Variants in PRICKLE2 observed in about 807,000 individuals in gnomAD.
PRICKLE2 encodes prickle-like protein 2.
PRICKLE2 carries 21 observed loss-of-function variants against 81.4 expected under a neutral mutation model. The ratio of observed to expected loss-of-function variants is 0.26; its 90% CI spans 0.18 to 0.37. The LOEUF is 0.37. Among genes scored for constraint, PRICKLE2 ranks in the 10% least tolerant of loss-of-function variants. The pLI, the probability that PRICKLE2 is intolerant of heterozygous loss-of-function variation, is 1.00. For synonymous variants in PRICKLE2, 456 were observed against 421.5 expected, an observed-to-expected ratio of 1.08 and a Z score of -1.00; for missense variants, 940 against 1,109.0, an observed-to-expected ratio of 0.85 and a Z score of 2.16.
At position 64,142,317 on chromosome 3, in the gene PRICKLE2, T is replaced by C. The variant is rs181752764; in HGVS notation, c.1660+4513A>G. ...GAGTATTTTCTTTCTTTCTTTCTTT[T>C]TTTTTTTTTTTTTAGACAGAGTTTT... is the stretch of plus-strand genomic sequence containing the variant. On this transcript the variant is annotated intron_variant, in intron 7 of 7. Coordinates refer to ENST00000638394, the MANE Select transcript of PRICKLE2 (RefSeq NM_198859.4). Among the ~76,000 whole-genome samples the C allele has an allele frequency of 8.0e-3, 1,205 of 149,886 alleles. 31 individuals carry two copies. The highest frequency in any genetic ancestry group is 0.056 in the East Asian group (285 of 5,086).
In PRICKLE2 at chr3:64,159,132, G is replaced by A. The variant is rs1025107318; in HGVS notation, c.396+808C>T. Among the ~76,000 whole-genome samples, 4 of 152,268 alleles carry A rather than the reference G, an allele frequency of 2.6e-5. No homozygotes were observed. In the East Asian group the frequency reaches 7.8e-4, roughly 30 times the overall value. On this transcript the variant is annotated intron_variant, in intron 4 of 7. Transcript: ENST00000638394. ...CTGAGCACTCAACAGGAGCAGAGGAGACAGGAAATCCAGAATCTTGAACGC... is the reference window on the plus strand; with the variant it reads ...CTGAGCACTCAACAGGAGCAGAGGAAACAGGAAATCCAGAATCTTGAACGC...
intron 5 of PRICKLE2, 164 bp from the exon 6 acceptor site, chr3:64,153,532 C>T (rs2077579060): frequency 4.6e-6 from 3 of 646,192 alleles, no homozygotes; most frequent in African/African-American, 1.8e-5. Context: ...GTATGTATAT[C>T]AGTTCCTATA....
At chr3:64,160,463 A>G (rs1026010730) in intron 3 of PRICKLE2, among the ~76,000 whole-genome samples, 1 of 152,198 alleles carries the variant, frequency 6.6e-6, no homozygotes, top group Admixed American at 6.5e-5. Context: ...TGATACTTTC[A>G]TCTCCATGTG....
chr3:64,128,658 A>C (rs1157370052), intron 7 of PRICKLE2, among the ~76,000 whole-genome samples: 1 of 151,368 alleles, frequency 6.6e-6, no homozygotes, highest in African/African-American at 2.4e-5. Flanking sequence ...AGGCAGGAGA[A>C]TAATGTGAAC....
rs201590577 is a variant in PRICKLE2 at position 64,099,403 on chromosome 3, C to G, written c.2183G>C (p.Arg728Pro). The G allele has an allele frequency of 1.3e-6, 2 of 1,599,718 alleles. No individual in the cohort carries two copies. The highest frequency in any genetic ancestry group is 1.3e-5 in the African/African-American group (1 of 74,494). ...RAREDYDQFM[R>P]QRSFQESMGH... Reference sequence around the variant, plus strand: ...CATGCTCTCCTGGAAGCTCCGCTGGCGCATAAATTGGTCATAGTCCTCCCT... The same window carrying G: ...CATGCTCTCCTGGAAGCTCCGCTGGGGCATAAATTGGTCATAGTCCTCCCT... Residue 728 changes from arginine (R) to proline (P), a missense_variant, in exon 8 of 8, where the codon CGC (arginine) becomes CCC (proline). Arg to Pro is a moderately radical substitution (Grantham distance 103). Coordinates refer to ENST00000638394, the MANE Select transcript of PRICKLE2 (RefSeq NM_198859.4). The surrounding 1 kb of genome is among the most constrained non-coding windows in gnomAD (Gnocchi z 4.3).
At chr3:64,133,671 A>C (rs77394356) in intron 7 of PRICKLE2, among the ~76,000 whole-genome samples, 1 of 152,122 alleles carries the variant, frequency 6.6e-6, no homozygotes, top group East Asian at 1.9e-4. Context: ...GCTGGGCTCT[A>C]TTAGCATTAA....
Position 64,129,434 on chromosome 3 carries a change from T to C in PRICKLE2, c.1660+17396A>G, listed in dbSNP as rs150762643. ...TTAGCTCTATGTATGACAGCAGATC[T>C]TTGTCACCTTGGGGATGAAAAGAGG... On this transcript the variant is annotated intron_variant, in intron 7 of 7. Coordinates refer to ENST00000638394, the MANE Select transcript of PRICKLE2 (RefSeq NM_198859.4). 1.5e-3 allele frequency among the ~76,000 whole-genome samples: 225 copies of C among 152,296 alleles called. 1 individual carries two copies. The highest frequency in any genetic ancestry group is 5.0e-3 in the African/African-American group (208 of 41,568).
intron 2 of PRICKLE2, among the ~76,000 whole-genome samples, chr3:64,168,219 T>C (rs1559553251): frequency 6.6e-6 from 1 of 152,146 alleles, no homozygotes; most frequent in African/African-American, 2.4e-5. Context: ...AAGGAGAAGT[T>C]AGACTTTCTT....
chr3:64,125,111 C>T (rs1480948548), intron 7 of PRICKLE2, among the ~76,000 whole-genome samples: 2 of 151,988 alleles, frequency 1.3e-5, no homozygotes, highest in Non-Finnish European at 2.9e-5. Context: ...TCATGGATAA[C>T]TTTGAGGGGT....
At position 64,098,582 on chromosome 3, in the gene PRICKLE2, C is replaced by A. The variant is rs148724634; in HGVS notation, c.*469G>T. 1.7e-4 allele frequency: 30 copies of A among 174,992 alleles called. No individual in the cohort carries two copies. The East Asian group carries it at 4.3e-3, about 25-fold the overall frequency. The allele number at this position is 174,992 out of a possible 1,614,324, so 10.8% of individuals were successfully genotyped here. A position where few individuals can be genotyped will look rare whatever the true frequency, so the allele number is the denominator to read the frequency against. ...ACTGAGTCCTACGATATAGAAATTC[C>A]TTTGATATTACAAAATACAAAAATA... On this transcript the variant is annotated 3_prime_UTR_variant, in exon 8 of 8. Transcript: ENST00000638394.
At chr3:64,113,892 G>GA (rs767609144) in intron 7 of PRICKLE2, among the ~76,000 whole-genome samples, 84 of 152,218 alleles carry the variant, frequency 5.5e-4, no homozygotes, top group Non-Finnish European at 9.9e-4. Context: ...CTCCAGCAGG[G>GA]GCCCCCCACT....
intron 7 of PRICKLE2, among the ~76,000 whole-genome samples, chr3:64,127,193 C>T (rs987673030): frequency 1.3e-5 from 2 of 152,136 alleles, no homozygotes; most frequent in African/African-American, 4.8e-5. Context: ...AAGAGCAGTT[C>T]ATGGAGGACA....
Position 64,146,862 on chromosome 3 carries a change from G to C in PRICKLE2, c.1628C>G (p.Ser543Cys). The C allele has an allele frequency of 6.2e-7, 1 of 1,614,162 alleles. No homozygotes were observed. ...ATTAGACAGGGCCAGGGATTCCATGGAGCCCCGAGGGGTCTGCTCTGTGGG... is the reference window on the plus strand; with the variant it reads ...ATTAGACAGGGCCAGGGATTCCATGCAGCCCCGAGGGGTCTGCTCTGTGGG... ...MTPTEQTPRGSMESLALSNAT... is the reference protein window; with the variant it reads ...MTPTEQTPRGCMESLALSNAT... Residue 543 changes from serine (S) to cysteine (C), a missense_variant, in exon 7 of 8, where the codon TCC becomes TGC. Physicochemically the swap from Ser to Cys is moderately radical, Grantham distance 112. This residue lies in a region of PRICKLE2 where 670 missense variants were observed against 717.2 expected (regional missense o/e 0.93). Coordinates refer to ENST00000638394, the MANE Select transcript of PRICKLE2 (RefSeq NM_198859.4).
At chr3:64,168,554 C>G (rs574666533) in intron 2 of PRICKLE2, among the ~76,000 whole-genome samples, 1 of 152,150 alleles carries the variant, frequency 6.6e-6, no homozygotes, top group African/African-American at 2.4e-5. Context: ...TACGGCTTGA[C>G]GCGTTTTTAT....
chr3:64,158,741 G>A (rs533335577), intron 4 of PRICKLE2, among the ~76,000 whole-genome samples: 9 of 152,068 alleles, frequency 5.9e-5, no homozygotes, highest in African/African-American at 2.2e-4. Flanking sequence ...GTACCTTAAG[G>A]GTGGGTCCCA....
chr3:64,198,792 G>T lies in PRICKLE2; in HGVS notation c.136C>A (p.Pro46Thr). The change falls in exon 2 of 8, where the codon CCT becomes ACT. Residue 46 changes from proline (P) to threonine (T), a missense_variant. Pro to Thr is a conservative substitution (Grantham distance 38). Around this residue, in one of 2 missense-constraint regions of PRICKLE2, gnomAD observed 270 missense variants for 391.8 expected, o/e 0.69. Coordinates refer to ENST00000638394, the MANE Select transcript of PRICKLE2 (RefSeq NM_198859.4). The stretch of plus-strand genomic sequence containing the variant: ...CCCATCCAGAATGGTACCTGTTCAG[G>T]CTTCAGACCCGGCGGGACCCAGGCA... ...EYAWVPPGLK[P>T]EQVHQYYSCL... 1 of 1,614,092 alleles carries T rather than the reference G, an allele frequency of 6.2e-7. No homozygotes were observed. Among genetic ancestry groups the T allele is most frequent in the Non-Finnish European group, 8.5e-7 (1 of 1,179,998 alleles).
At chr3:64,110,855 G>A (rs748530482) in intron 7 of PRICKLE2, among the ~76,000 whole-genome samples, 2 of 151,270 alleles carry the variant, frequency 1.3e-5, no homozygotes, top group Non-Finnish European at 2.9e-5. Flanking sequence ...TAAAAGTGTC[G>A]GGAGGCTGAG....
intron 2 of PRICKLE2, among the ~76,000 whole-genome samples, chr3:64,178,993 TTC>T (rs1336403232): frequency 1.4e-5 from 2 of 146,688 alleles, no homozygotes; most frequent in Non-Finnish European, 3.0e-5. Flanking sequence ...CTTTCTTTCT[TTC>T]TTTCTTTCTT....
intron 3 of PRICKLE2, among the ~76,000 whole-genome samples, chr3:64,160,872 T>G (rs1003171799): frequency 3.3e-5 from 5 of 152,216 alleles, no homozygotes; most frequent in African/African-American, 1.2e-4. Flanking sequence ...CTGACTCAGT[T>G]TTTTGGAAAC....
Sources: gnomAD v4.1 joint callset for allele counts (sites outside exome capture counted in the v4.1 genomes callset) on GRCh38, gnomAD v4.1.1 for gene constraint, gnomAD v4.1.1 regional missense constraint, Gnocchi (gnomAD v3.1) non-coding constraint, MANE v1.5 for transcripts, NCBI Gene and HGNC (gene_info 2026-07-23, HGNC 2026-07-21) for gene names.